The following GRM8 variants were observed in gnomAD, a reference collection of about 807,000 sequenced individuals.
GRM8 encodes the protein metabotropic glutamate receptor 8.
GRM8 carries 47 observed loss-of-function variants against 87.2 expected under a neutral mutation model. The observed-to-expected ratio is 0.54, with a 90% confidence interval of 0.43 to 0.69. The LOEUF (loss-of-function observed/expected upper bound fraction) is 0.69, where lower values mean the gene tolerates loss of function less well. Among genes scored for constraint, GRM8 ranks in the 30% least tolerant of loss-of-function variants. The probability of loss-of-function intolerance (pLI) is 0.00; values close to 1 mark genes in which losing one functional copy is unlikely to be tolerated. For missense variants in GRM8, 1,019 were observed against 1,139.2 expected (o/e 0.89, Z 1.52); for synonymous variants, 396 against 404.5 (o/e 0.98, Z 0.25).
At chr7:126,603,474 T>C (rs1441268722) in intron 8 of GRM8, among the ~76,000 whole-genome samples, 2 of 151,854 alleles carry the variant, frequency 1.3e-5, no homozygotes, top group South Asian at 2.1e-4. Flanking sequence ...CATGATTGTA[T>C]ATCTAGAAAA....
chr7:127,068,596 G>A (rs1352077297), intron 3 of GRM8, among the ~76,000 whole-genome samples: 1 of 152,194 alleles, frequency 6.6e-6, no homozygotes, highest in South Asian at 2.1e-4. Flanking sequence ...GAGAAAAGCT[G>A]CCTCGCTGAA....
chr7:126,837,118 T>A (rs1299368638), intron 6 of GRM8, among the ~76,000 whole-genome samples: 1 of 152,160 alleles, frequency 6.6e-6, no homozygotes, highest in Non-Finnish European at 1.5e-5. Flanking sequence ...AAATTGATCA[T>A]TATAGTCTTC....
At chr7:126,779,937 T>C (rs927693213) in intron 6 of GRM8, among the ~76,000 whole-genome samples, 15 of 152,194 alleles carry the variant, frequency 9.9e-5, no homozygotes, top group African/African-American at 3.6e-4. Flanking sequence ...AATAGGAATT[T>C]ATGACCTATG....
In GRM8 at chr7:126,788,409, C is replaced by CAAAAAAAAAAAAAAAA. The variant is rs67131936; in HGVS notation, c.1157-18345_1157-18344insTTTTTTTTTTTTTTTT. ...TGGGTATCAGAGCAAGACTCCATCT[C>CAAAAAAAAAAAAAAAA]AAAAAAAAAAAAAACCCTTTCAGAT... is the stretch of plus-strand genomic sequence containing the variant. On this transcript the variant is annotated intron_variant, in intron 6 of 10. Transcript: ENST00000339582. Among the ~76,000 whole-genome samples, 27 of 10,768 alleles carry CAAAAAAAAAAAAAAAA rather than the reference C, an allele frequency of 2.5e-3. 2 individuals are homozygous for CAAAAAAAAAAAAAAAA. Among genetic ancestry groups the CAAAAAAAAAAAAAAAA allele is most frequent in the African/African-American group, 5.8e-3 (21 of 3,622 alleles). 7.1% of individuals were successfully genotyped at this position (10,768 alleles called of 152,430 possible).
At chr7:126,557,469 C>G (rs1347689828) in intron 8 of GRM8, among the ~76,000 whole-genome samples, 2 of 152,190 alleles carry the variant, frequency 1.3e-5, no homozygotes, top group Non-Finnish European at 2.9e-5. Flanking sequence ...CAGGATCCAT[C>G]TTCACTTTTG....
At chr7:126,455,017 A>G (rs1803065632) in intron 9 of GRM8, among the ~76,000 whole-genome samples, 1 of 151,728 alleles carries the variant, frequency 6.6e-6, no homozygotes. Context: ...AAATATACCA[A>G]TAGAATCTCA....
chr7:127,077,637 G>C (rs560493528), intron 3 of GRM8, among the ~76,000 whole-genome samples: 151 of 152,320 alleles, frequency 9.9e-4, no homozygotes, highest in Non-Finnish European at 1.2e-3. Flanking sequence ...GAGTCAGTTT[G>C]CATTAAAACA....
chr7:127,079,134 T>A (rs1005081301), intron 3 of GRM8, among the ~76,000 whole-genome samples: 1 of 152,156 alleles, frequency 6.6e-6, no homozygotes, highest in African/African-American at 2.4e-5. Flanking sequence ...TTTCTTTCTT[T>A]TTCTGAGACA....
chr7:127,220,369 C>CA (rs533111138), intron 2 of GRM8, among the ~76,000 whole-genome samples: 87 of 151,788 alleles, frequency 5.7e-4, no homozygotes, highest in African/African-American at 1.9e-3. Flanking sequence ...TACCAAATTA[C>CA]AAAAAAAGGA....
At chr7:126,756,677 A>G (rs1350850213) in intron 7 of GRM8, among the ~76,000 whole-genome samples, 1 of 152,122 alleles carries the variant, frequency 6.6e-6, no homozygotes, top group African/African-American at 2.4e-5. Flanking sequence ...TGTACTGTAT[A>G]ATTCCAACTA....
chr7:127,013,209 G>T (rs1189968801), intron 3 of GRM8, among the ~76,000 whole-genome samples: 1 of 152,184 alleles, frequency 6.6e-6, no homozygotes, highest in African/African-American at 2.4e-5. Flanking sequence ...CTCACAGGCT[G>T]GAGCAGAGAG....
chr7:126,722,150 A>G (rs904333665), intron 7 of GRM8, among the ~76,000 whole-genome samples: 2 of 152,086 alleles, frequency 1.3e-5, no homozygotes, highest in African/African-American at 4.8e-5. Context: ...TTTTAATCTT[A>G]TTTCCAACTG....
intron 3 of GRM8, among the ~76,000 whole-genome samples, chr7:127,080,106 A>C (rs1822698109): frequency 6.6e-6 from 1 of 152,188 alleles, no homozygotes. Context: ...AGATGATCCC[A>C]GATGATTCTG....
At chr7:126,601,661 T>C (rs1585183298) in intron 8 of GRM8, among the ~76,000 whole-genome samples, 1 of 149,124 alleles carries the variant, frequency 6.7e-6, no homozygotes, top group African/African-American at 2.4e-5. Context: ...GTGGTTTTGA[T>C]TTGCATTTCT....
chr7:126,767,918 T>C (rs1053554495), intron 7 of GRM8, among the ~76,000 whole-genome samples: 11 of 152,100 alleles, frequency 7.2e-5, no homozygotes, highest in Admixed American at 4.6e-4. Flanking sequence ...TTTATTTATT[T>C]TCCATAACCC....
intron 9 of GRM8, among the ~76,000 whole-genome samples, chr7:126,450,432 TTC>T (rs1351456662): frequency 6.6e-6 from 1 of 151,852 alleles, no homozygotes; most frequent in African/African-American, 2.4e-5. Context: ...AGTCACCAGG[TTC>T]TGTTTGGCTG....
chr7:126,480,317 G>C (rs954122932), intron 9 of GRM8, among the ~76,000 whole-genome samples: 2 of 152,150 alleles, frequency 1.3e-5, no homozygotes, highest in Non-Finnish European at 2.9e-5. Flanking sequence ...CTGAGAGGCA[G>C]AGGTTGAGGT....
chr7:127,153,668 C>T (rs2116130378), intron 2 of GRM8, among the ~76,000 whole-genome samples: 1 of 152,210 alleles, frequency 6.6e-6, no homozygotes, highest in Non-Finnish European at 1.5e-5. Flanking sequence ...TCTCTCAATC[C>T]ATTTCTGTCA....
At chr7:127,201,020 T>TA (rs1795557344) in intron 2 of GRM8, among the ~76,000 whole-genome samples, 1 of 152,224 alleles carries the variant, frequency 6.6e-6, no homozygotes. Context: ...TCCAAGATCA[T>TA]AAAATCTGTC....
Sources: gnomAD v4.1 joint callset for allele counts (sites outside exome capture counted in the v4.1 genomes callset) on GRCh38, gnomAD v4.1.1 for gene constraint, MANE v1.5 for transcripts, NCBI Gene and HGNC (gene_info 2026-07-23, HGNC 2026-07-21) for gene names.